Variants in TASP1 observed in about 807,000 individuals in gnomAD.
TASP1 encodes threonine aspartase 1.
TASP1 carries 16 observed loss-of-function variants against 56.6 expected under a neutral mutation model. That is an observed-to-expected ratio of 0.28 (90% CI 0.19 to 0.43). The LOEUF (loss-of-function observed/expected upper bound fraction) is 0.43. Ranked by LOEUF, TASP1 falls within the 20% of genes least tolerant of loss-of-function variation. TASP1 has a pLI of 1.00. For missense variants in TASP1, 393 were observed against 511.6 expected, an observed-to-expected ratio of 0.77 and a Z score of 2.24; for synonymous variants, 179 against 184.2, an observed-to-expected ratio of 0.97 and a Z score of 0.23.
the TASP1 span, among the ~76,000 whole-genome samples, chr20:13,211,180 G>T: frequency 1.2e-4 from 18 of 152,198 alleles, no homozygotes; most frequent in Middle Eastern, 3.4e-3. Context: ...GTCTAACAGT[G>T]TATTATATTG....
chr20:13,176,343 T>A, the TASP1 span, among the ~76,000 whole-genome samples: 3 of 152,230 alleles, frequency 2.0e-5, no homozygotes, highest in Non-Finnish European at 4.4e-5. Flanking sequence ...CAGTAAGATG[T>A]TAGCTGGATT....
chr20:13,262,715 A>G, the TASP1 span, among the ~76,000 whole-genome samples: 3 of 152,168 alleles, frequency 2.0e-5, no homozygotes, highest in Non-Finnish European at 4.4e-5. Context: ...TATTCAAGAC[A>G]CACCAGTGAA....
At chr20:13,483,863 G>A (rs1019973117) in intron 10 of TASP1, among the ~76,000 whole-genome samples, 2 of 152,096 alleles carry the variant, frequency 1.3e-5, no homozygotes, top group Non-Finnish European at 2.9e-5. Flanking sequence ...CCATCAGAGT[G>A]AACAGGCAAC....
chr20:13,150,657 C>T, the TASP1 span, among the ~76,000 whole-genome samples: 2 of 152,194 alleles, frequency 1.3e-5, no homozygotes, highest in South Asian at 2.1e-4. Flanking sequence ...CTACTCCTTC[C>T]AATCATTAAA....
chr20:13,160,141 A>G, the TASP1 span: 1 of 1,612,586 alleles, frequency 6.2e-7, no homozygotes, highest in Non-Finnish European at 8.5e-7. Context: ...CGGTGAGTAC[A>G]CCACAGGCCA....
chr20:13,292,546 C>A, the TASP1 span: 1 of 838,266 alleles, frequency 1.2e-6, no homozygotes, highest in South Asian at 1.5e-5. Flanking sequence ...ATCCTTGGAT[C>A]CACGTAAATG....
chr20:13,271,043 A>C, the TASP1 span, among the ~76,000 whole-genome samples: 1 of 152,380 alleles, frequency 6.6e-6, no homozygotes, highest in Middle Eastern at 3.4e-3. Flanking sequence ...ATATAAAAGC[A>C]AAACAAAACA....
intron 9 of TASP1, among the ~76,000 whole-genome samples, chr20:13,530,709 C>G (rs2045187977): frequency 6.6e-6 from 1 of 152,178 alleles, no homozygotes; most frequent in Admixed American, 6.5e-5. Flanking sequence ...AGAAAATTCC[C>G]TTTATGATAC....
chr20:13,613,401 C>T (rs1335489029), intron 4 of TASP1, among the ~76,000 whole-genome samples: 1 of 151,916 alleles, frequency 6.6e-6, no homozygotes, highest in Non-Finnish European at 1.5e-5. Flanking sequence ...CGTGTTGTGC[C>T]GAAAACACAG....
chr20:13,123,457 T>C, the TASP1 span, among the ~76,000 whole-genome samples: 1 of 152,312 alleles, frequency 6.6e-6, no homozygotes, highest in East Asian at 1.9e-4. Context: ...AGTATTACTA[T>C]GATCTAATTT....
the TASP1 span, among the ~76,000 whole-genome samples, chr20:13,195,171 T>C: frequency 6.6e-6 from 1 of 152,216 alleles, no homozygotes; most frequent in Non-Finnish European, 1.5e-5. Context: ...CAATTACTTT[T>C]GCACCAACTT....
the TASP1 span, among the ~76,000 whole-genome samples, chr20:13,225,052 A>T: frequency 6.8e-6 from 1 of 147,654 alleles, no homozygotes; most frequent in African/African-American, 2.5e-5. Flanking sequence ...ACGGGGTTTC[A>T]CCGTGTTAGC....
At chr20:13,215,064 C>T in the TASP1 span, among the ~76,000 whole-genome samples, 1 of 152,170 alleles carries the variant, frequency 6.6e-6, no homozygotes, top group Admixed American at 6.5e-5. Context: ...TTTGGATATG[C>T]ACCCAGGATA....
At chr20:13,598,162 T>C (rs74636935) in intron 4 of TASP1, among the ~76,000 whole-genome samples, 10 of 152,048 alleles carry the variant, frequency 6.6e-5, no homozygotes, top group South Asian at 2.1e-4. Context: ...TGACTTTCTT[T>C]ACAGAATTGG....
At position 13,390,233 on chromosome 20, in the gene TASP1, G is replaced by A. The variant is rs548640880; in HGVS notation, c.*127C>T. 9 of 812,614 alleles carry A rather than the reference G, an allele frequency of 1.1e-5. No individual in the cohort carries two copies. The highest frequency in any genetic ancestry group is 5.1e-5 in the African/African-American group (3 of 58,424). The allele number at this position is 812,614 out of a possible 1,614,324, so 50.3% of individuals were successfully genotyped here. ...CTAACTACAGCAGCACTTGTGTCTC[G>A]AGCAGTGCACGAGGTTGCAATAGGA... On this transcript the variant is annotated 3_prime_UTR_variant, in exon 14 of 14. Coordinates refer to ENST00000337743, the MANE Select transcript of TASP1 (RefSeq NM_017714.3).
chr20:13,193,414 G>A, the TASP1 span, among the ~76,000 whole-genome samples: 1 of 152,068 alleles, frequency 6.6e-6, no homozygotes, highest in African/African-American at 2.4e-5. Context: ...AGAATGACTG[G>A]GCATCTCTTT....
Position 13,601,868 on chromosome 20 carries a change from C to CT in TASP1, c.283-14499dup, listed in dbSNP as rs61111564. Among the ~76,000 whole-genome samples the CT allele has an allele frequency of 1.4e-3, 73 of 53,564 alleles. 4 individuals are homozygous for CT. The highest frequency in any genetic ancestry group is 2.3e-3 in the African/African-American group (27 of 11,934). 35.1% of individuals were successfully genotyped at this position (53,564 alleles called of 152,430 possible). ...CCACCTAAAAACCCATAACCCCATT[C>CT]TTTTTTTTTTTTTTTTTTTTTTTTT... On this transcript the variant is annotated intron_variant, in intron 4 of 13. Transcript: ENST00000337743.
chr20:13,298,687 G>A, the TASP1 span, among the ~76,000 whole-genome samples: 16,523 of 152,114 alleles, frequency 0.11, 1,061 homozygotes, highest in East Asian at 0.35. Context: ...ATAAAGTGGG[G>A]CATTTGGAGG....
intron 12 of TASP1, among the ~76,000 whole-genome samples, chr20:13,429,719 C>G (rs1323097507): frequency 6.6e-6 from 1 of 151,974 alleles, no homozygotes; most frequent in African/African-American, 2.4e-5. Flanking sequence ...GTAAGAGATA[C>G]ATGTTTGTTT....
Sources: gnomAD v4.1 joint callset for allele counts (sites outside exome capture counted in the v4.1 genomes callset) on GRCh38, gnomAD v4.1.1 for gene constraint, MANE v1.5 for transcripts, NCBI Gene and HGNC (gene_info 2026-07-23, HGNC 2026-07-21) for gene names.